PCBP3: variants seen among roughly 807,000 people sequenced by gnomAD.
PCBP3 encodes poly(rC)-binding protein 3.
In PCBP3, 25 loss-of-function variants were observed where a neutral mutation model predicts 52.7. The observed-to-expected ratio is 0.47, with a 90% confidence interval of 0.35 to 0.66. The LOEUF (loss-of-function observed/expected upper bound fraction) is 0.66, where lower values mean the gene tolerates loss of function less well. PCBP3 is among the 30% of genes least tolerant of loss of function. PCBP3 has a pLI of 0.01. For synonymous variants in PCBP3, 162 were observed against 183.0 expected (o/e 0.89, Z 0.93); for missense variants, 391 against 490.3 (o/e 0.80, Z 1.91).
intron 4 of PCBP3, among the ~76,000 whole-genome samples, chr21:45,814,641 A>AGTGGTGAGTGGTGAGTGATGAGTG (rs2092794364): frequency 2.9e-5 from 1 of 34,184 alleles, no homozygotes; most frequent in Non-Finnish European, 5.5e-5. Context: ...GTGAGTGGTG[A>AGTGGTGAGTGGTGAGTGATGAGTG]GTGAGTGGTG....
chr21:45,887,296 C>T (rs2095546173), intron 5 of PCBP3, among the ~76,000 whole-genome samples: 1 of 152,214 alleles, frequency 6.6e-6, no homozygotes, highest in African/African-American at 2.4e-5. Context: ...GCACTGTGTG[C>T]TCCATTTCCC....
chr21:45,780,268 G>C (rs1410698892), intron 4 of PCBP3, among the ~76,000 whole-genome samples: 1 of 152,152 alleles, frequency 6.6e-6, no homozygotes, highest in Non-Finnish European at 1.5e-5. Flanking sequence ...TTTATACACT[G>C]GGCTTCATAA....
chr21:45,783,743 T>G (rs1428261094), intron 4 of PCBP3, among the ~76,000 whole-genome samples: 1 of 152,156 alleles, frequency 6.6e-6, no homozygotes, highest in Non-Finnish European at 1.5e-5. Context: ...TAGTAGGGAT[T>G]TAAGAACATA....
At position 45,868,907 on chromosome 21, in the gene PCBP3, A is replaced by G. The variant is rs557004092; in HGVS notation, c.10+18812A>G. 2.6e-5 allele frequency among the ~76,000 whole-genome samples: 4 copies of G among 152,330 alleles called. No homozygotes were observed. In the East Asian group the frequency reaches 7.7e-4, roughly 29 times the overall value. The stretch of plus-strand genomic sequence containing the variant: ...GCAGCTCGGTGGACACTTCTCTTTC[A>G]GATCCTGCCACAGCAAAGCTCACGA... On this transcript the variant is annotated intron_variant, in intron 5 of 17. Coordinates refer to ENST00000681687, the MANE Select transcript of PCBP3 (RefSeq NM_001384156.1).
intron 2 of PCBP3, among the ~76,000 whole-genome samples, chr21:45,687,956 C>T (rs1174415237): frequency 6.6e-6 from 1 of 152,156 alleles, no homozygotes; most frequent in Non-Finnish European, 1.5e-5. Context: ...TGGTCTTCAT[C>T]TGCTGACCTC....
At chr21:45,807,203 G>C (rs918909624) in intron 4 of PCBP3, among the ~76,000 whole-genome samples, 1 of 152,194 alleles carries the variant, frequency 6.6e-6, no homozygotes, top group African/African-American at 2.4e-5. Flanking sequence ...TCAGGCAAGA[G>C]AAGGAAATAA....
chr21:45,692,776 T>A (rs2082558689), intron 2 of PCBP3, among the ~76,000 whole-genome samples: 1 of 152,128 alleles, frequency 6.6e-6, no homozygotes, highest in African/African-American at 2.4e-5. Flanking sequence ...TCTGAACTCA[T>A]CTTATGAGGC....
intron 2 of PCBP3, among the ~76,000 whole-genome samples, chr21:45,717,087 T>G (rs528974688): frequency 1.4e-4 from 21 of 152,186 alleles, no homozygotes; most frequent in Non-Finnish European, 2.9e-4. Context: ...AATCTATTCC[T>G]AAGTTTTTTA....
rs1603502246 is a variant in PCBP3 at position 45,915,827 on chromosome 21, A to C, written c.676-1761A>C. The C allele has an allele frequency of 2.0e-5, 3 of 152,480 alleles. No individual in the cohort carries two copies. The South Asian group carries it at 6.2e-4, about 32-fold the overall frequency. The allele number at this position is 152,480 out of a possible 1,614,324, so 9.4% of individuals were successfully genotyped here. A position where few individuals can be genotyped will look rare whatever the true frequency, so the allele number is the denominator to read the frequency against. ...AACCCAGGGGAGCTGCCGAAATGCA[A>C]ACCCAGAAGTGTGGGCCGGATACCT... On this transcript the variant is annotated intron_variant, in intron 12 of 17. Coordinates refer to ENST00000681687, the MANE Select transcript of PCBP3 (RefSeq NM_001384156.1).
chr21:45,811,326 G>A (rs1432017490), intron 4 of PCBP3, among the ~76,000 whole-genome samples: 2 of 152,234 alleles, frequency 1.3e-5, no homozygotes, highest in African/African-American at 2.4e-5. Context: ...CTCACGGGGA[G>A]GACTCACCTC....
rs2092471066 is a variant in PCBP3 at position 45,805,690 on chromosome 21, C to T, written c.-125-44271C>T. ...TGACTGGAAGGACCAGCCGTTGCTG[C>T]TGGCAGCTCATCCCTGCACCTGAGC... On this transcript the variant is annotated intron_variant, in intron 4 of 17. Transcript: ENST00000681687. This position sits in a 1 kb window ranked among gnomAD's most constrained non-coding sequence, Gnocchi z 4.6. 6.6e-6 allele frequency among the ~76,000 whole-genome samples: 1 copy of T among 152,210 alleles called. No individual in the cohort carries two copies. Among genetic ancestry groups the T allele is most frequent in the South Asian group, 2.1e-4 (1 of 4,828 alleles).
At position 45,737,306 on chromosome 21, in the gene PCBP3, G is replaced by A. The variant is rs1369647999; in HGVS notation, c.-162+1877G>A. Reference sequence around the variant, plus strand: ...TGTTGTGGCTTTAGCTAAAGCTGCTGTAATACCTGTTTCTTAGAGGAATCC... The same window carrying A: ...TGTTGTGGCTTTAGCTAAAGCTGCTATAATACCTGTTTCTTAGAGGAATCC... On this transcript the variant is annotated intron_variant, in intron 3 of 17. Transcript: ENST00000681687. The surrounding 1 kb of genome is among the most constrained non-coding windows in gnomAD (Gnocchi z 4.9). Among the ~76,000 whole-genome samples, 2 of 152,198 alleles carry A rather than the reference G, an allele frequency of 1.3e-5. No individual in the cohort carries two copies. The highest frequency in any genetic ancestry group is 4.8e-5 in the African/African-American group (2 of 41,446).
intron 4 of PCBP3, among the ~76,000 whole-genome samples, chr21:45,786,446 G>A (rs957482761): frequency 5.2e-4 from 79 of 152,068 alleles, no homozygotes; most frequent in African/African-American, 1.7e-3. Context: ...GCCCACCAAT[G>A]TGCCTGGCTA....
At chr21:45,729,970 C>T (rs1023837756) in intron 2 of PCBP3, among the ~76,000 whole-genome samples, 2 of 151,840 alleles carry the variant, frequency 1.3e-5, no homozygotes, top group African/African-American at 4.8e-5. Context: ...TGCTATGTTG[C>T]CCAGGCTGGT....
chr21:45,745,513 A>G (rs1461116152), intron 3 of PCBP3, among the ~76,000 whole-genome samples: 1 of 152,206 alleles, frequency 6.6e-6, no homozygotes, highest in Non-Finnish European at 1.5e-5. Context: ...GAAGGAACCC[A>G]GATGCACCTC....
chr21:45,909,537 C>G (rs373450618), intron 10 of PCBP3, 51 bp downstream of exon 10: 25 of 1,583,076 alleles, frequency 1.6e-5, no homozygotes, highest in Non-Finnish European at 2.1e-5. Flanking sequence ...AGGCGGGCTG[C>G]GGGTGGTGGC....
intron 2 of PCBP3, among the ~76,000 whole-genome samples, chr21:45,687,723 A>G (rs564778478): frequency 6.6e-6 from 1 of 151,902 alleles, no homozygotes; most frequent in East Asian, 1.9e-4. Flanking sequence ...GGAGATAAAG[A>G]CATTTCTTTT....
At chr21:45,820,382 A>T (rs1381030603) in intron 4 of PCBP3, among the ~76,000 whole-genome samples, 1 of 152,262 alleles carries the variant, frequency 6.6e-6, no homozygotes, top group East Asian at 1.9e-4. Context: ...TCACCCACGG[A>T]TAGGAGTGCC....
chr21:45,761,521 G>C (rs953097947), intron 4 of PCBP3: 1 of 152,146 alleles, frequency 6.6e-6, no homozygotes, highest in Non-Finnish European at 1.5e-5. Context: ...AGCATGTGAC[G>C]GTCACCTTGG....
Sources: allele counts gnomAD v4.1 joint callset (sites outside exome capture counted in the v4.1 genomes callset), GRCh38; gene constraint gnomAD v4.1.1; non-coding constraint Gnocchi (gnomAD v3.1); transcripts MANE v1.5; gene names NCBI Gene and HGNC (gene_info 2026-07-23, HGNC 2026-07-21).